Variants in TTC39C observed in about 807,000 individuals in gnomAD.
The protein encoded by TTC39C is tetratricopeptide repeat protein 39C.
Under a neutral mutation model 76.3 loss-of-function variants are expected in TTC39C, and 33 were observed. That is an observed-to-expected ratio of 0.43 (90% CI 0.33 to 0.58). The LOEUF (loss-of-function observed/expected upper bound fraction) is 0.58. TTC39C is among the 20% of genes least tolerant of loss of function. The pLI, the probability that TTC39C is intolerant of heterozygous loss-of-function variation, is 0.04. For synonymous variants in TTC39C, 254 were observed against 260.6 expected (o/e 0.97, Z 0.24); for missense variants, 595 against 701.4 (o/e 0.85, Z 1.71).
Position 24,006,236 on chromosome 18 carries a change from C to T in TTC39C, c.-17+13198C>T, listed in dbSNP as rs138208733. Reference sequence around the variant, plus strand: ...CTATGTTGCTCAGGCTGGTCTCAAACTCCTGAGCTCAAGTGATCCACCCAC... The same window carrying T: ...CTATGTTGCTCAGGCTGGTCTCAAATTCCTGAGCTCAAGTGATCCACCCAC... On this transcript the variant is annotated intron_variant, in intron 1 of 13. Transcript: ENST00000304621. The T allele has an allele frequency of 2.6e-5, 4 of 152,260 alleles. No homozygotes were observed. The East Asian group carries it at 7.7e-4, about 29-fold the overall frequency. The allele number at this position is 152,260 out of a possible 1,614,324, so 9.4% of individuals were successfully genotyped here. A position where few individuals can be genotyped will look rare whatever the true frequency, so the allele number is the denominator to read the frequency against.
At chr18:24,101,996 T>C (rs1184117128) in intron 6 of TTC39C, among the ~76,000 whole-genome samples, 1 of 152,192 alleles carries the variant, frequency 6.6e-6, no homozygotes, top group Non-Finnish European at 1.5e-5. Flanking sequence ...GTCTTCAACT[T>C]ACTGGCCCAG....
chr18:24,019,961 G>A, intron 1 of TTC39C: 1 of 1,484,330 alleles, frequency 6.7e-7, no homozygotes, highest in Non-Finnish European at 8.9e-7. Flanking sequence ...CCTCTTCTCT[G>A]CCTAAAACCA....
intron 11 of TTC39C, 43 bp from the exon 12 acceptor site, chr18:24,130,270 G>A (rs2085107905): frequency 9.1e-7 from 1 of 1,102,526 alleles, no homozygotes; most frequent in Non-Finnish European, 1.3e-6. Flanking sequence ...CTTATGCTAA[G>A]TAGGAAAATG....
intron 1 of TTC39C, among the ~76,000 whole-genome samples, chr18:24,023,975 TATATACATATATATATATATATATA>T (rs2083556642): frequency 1.1e-3 from 14 of 12,294 alleles, no homozygotes; most frequent in African/African-American, 2.4e-3. Context: ...TATATATATA[TATATACATATATATATATATATATA>T]TATATATATA....
At chr18:24,084,094 A>G (rs2145764442) in intron 6 of TTC39C, among the ~76,000 whole-genome samples, 1 of 152,268 alleles carries the variant, frequency 6.6e-6, no homozygotes, top group Non-Finnish European at 1.5e-5. Flanking sequence ...TTTCTCCTTC[A>G]TAAAGTGACT....
chr18:23,994,651 A>G (rs2083246332), intron 1 of TTC39C, among the ~76,000 whole-genome samples: 1 of 152,020 alleles, frequency 6.6e-6, no homozygotes, highest in East Asian at 1.9e-4. Flanking sequence ...CCTCATCACT[A>G]TGCACCCAAC....
intron 1 of TTC39C, among the ~76,000 whole-genome samples, chr18:24,003,317 C>T (rs534171903): frequency 1.3e-5 from 2 of 152,306 alleles, no homozygotes; most frequent in African/African-American, 4.8e-5. Flanking sequence ...TTCTGTGCTC[C>T]CAAAGCACAC....
rs1313922129 is a variant in TTC39C at position 24,114,491 on chromosome 18, TATG to T, written c.985-57_985-55del. On this transcript the variant is annotated intron_variant, in intron 6 of 13. Transcript: ENST00000317571. ...ATGAAGGAAAAAGATGCTTTTGAAT[TATG>T]ATGATTGTAATGTTATCGACAGATC... 8.2e-6 allele frequency: 10 copies of T among 1,221,946 alleles called. No individual in the cohort carries two copies. In the East Asian group the frequency reaches 2.3e-4, roughly 28 times the overall value. The allele number at this position is 1,221,946 out of a possible 1,614,324, so 75.7% of individuals were successfully genotyped here. A position where few individuals can be genotyped will look rare whatever the true frequency, so the allele number is the denominator to read the frequency against.
intron 6 of TTC39C, among the ~76,000 whole-genome samples, chr18:24,088,808 T>A (rs1230020724): frequency 6.6e-6 from 1 of 152,168 alleles, no homozygotes; most frequent in Non-Finnish European, 1.5e-5. Flanking sequence ...TGGAGGTTCT[T>A]CCCCCTCATT....
intron 1 of TTC39C, chr18:24,022,871 G>T (rs547352191): frequency 1.0e-6 from 1 of 985,270 alleles, no homozygotes; most frequent in Admixed American, 6.1e-5. Context: ...TTCCAGACAC[G>T]GCTCAGATTT....
chr18:24,113,353 G>T (rs188603320), intron 6 of TTC39C: 1 of 556,992 alleles, frequency 1.8e-6, no homozygotes, highest in African/African-American at 1.9e-5. Flanking sequence ...CTGCAGTGAC[G>T]TGCTGAGGAG....
intron 1 of TTC39C, among the ~76,000 whole-genome samples, chr18:24,005,587 G>A (rs1196517285): frequency 2.0e-5 from 3 of 151,738 alleles, no homozygotes; most frequent in Non-Finnish European, 2.9e-5. Context: ...GGCTTATGCC[G>A]GTAATCCCAA....
At chr18:24,070,757 C>T (rs1286754242) in intron 4 of TTC39C, among the ~76,000 whole-genome samples, 1 of 151,698 alleles carries the variant, frequency 6.6e-6, no homozygotes, top group Non-Finnish European at 1.5e-5. Flanking sequence ...GCAGGAGAAT[C>T]GCTTGAACAT....
intron 1 of TTC39C, 60 bp downstream of exon 1, chr18:24,015,098 C>T (rs1452688686): frequency 3.0e-6 from 4 of 1,347,644 alleles, no homozygotes; most frequent in Non-Finnish European, 3.9e-6. Context: ...CCGGCTCACG[C>T]GCCTCGACCT....
At chr18:24,021,576 T>C (rs2083518810) in intron 1 of TTC39C, among the ~76,000 whole-genome samples, 1 of 149,170 alleles carries the variant, frequency 6.7e-6, no homozygotes, top group Admixed American at 6.7e-5. Context: ...GACAGAGTCT[T>C]GCTCCATTGC....
At chr18:24,088,606 A>G (rs2084475973) in intron 6 of TTC39C, among the ~76,000 whole-genome samples, 3 of 152,108 alleles carry the variant, frequency 2.0e-5, no homozygotes. Flanking sequence ...TTCAGAAGAG[A>G]CACAGCCCTC....
intron 6 of TTC39C, among the ~76,000 whole-genome samples, chr18:24,101,196 A>G (rs1204593715): frequency 1.7e-4 from 26 of 151,950 alleles, no homozygotes; most frequent in Admixed American, 1.4e-3. Context: ...CTTGAAAAGG[A>G]TGAATTTTCT....
chr18:24,065,946 G>T (rs1223874310), intron 2 of TTC39C, 66 bp from the exon 3 acceptor site: 1 of 1,456,396 alleles, frequency 6.9e-7, no homozygotes, highest in Non-Finnish European at 9.1e-7. Flanking sequence ...GAGTTTTCTT[G>T]TAATAAGTTG....
At chr18:23,997,652 GAGAAAGAAAGAAAGAAAGAAAGAAAGAA>G (rs1176951123) in intron 1 of TTC39C, among the ~76,000 whole-genome samples, 37 of 44,412 alleles carry the variant, frequency 8.3e-4, no homozygotes, top group African/African-American at 3.4e-3. Context: ...AGGAAGGAAG[GAGAAAGAAAGAAAGAAAGAAAGAAAGAA>G]AGAAAGAAAG....
Sources: allele counts gnomAD v4.1 joint callset (sites outside exome capture counted in the v4.1 genomes callset), GRCh38; gene constraint gnomAD v4.1.1; transcripts MANE v1.5; gene names NCBI Gene and HGNC (gene_info 2026-07-23, HGNC 2026-07-21).